The following TNFRSF19 variants were observed in gnomAD, a reference collection of about 807,000 sequenced individuals.
TNFRSF19 encodes tumor necrosis factor receptor superfamily member 19.
A neutral mutation model predicts 46.4 loss-of-function variants in TNFRSF19; 27 were observed. That is an observed-to-expected ratio of 0.58 (90% CI 0.43 to 0.80). The LOEUF (loss-of-function observed/expected upper bound fraction) is 0.80, where lower values mean the gene tolerates loss of function less well. Among genes scored for constraint, TNFRSF19 ranks in the 30% least tolerant of loss-of-function variants. The pLI is 0.00. For synonymous variants in TNFRSF19, 204 were observed against 205.0 expected (o/e 1.00, Z 0.04); for missense variants, 511 against 530.8 (o/e 0.96, Z 0.37).
intron 1 of TNFRSF19, among the ~76,000 whole-genome samples, chr13:23,573,221 C>T (rs1593221208): frequency 6.6e-6 from 1 of 152,152 alleles, no homozygotes; most frequent in Non-Finnish European, 1.5e-5. Flanking sequence ...TGTAGCTCAT[C>T]AAAGAACAAT....
intron 1 of TNFRSF19, among the ~76,000 whole-genome samples, chr13:23,573,847 GGT>G (rs1334436122): frequency 6.6e-6 from 1 of 152,034 alleles, no homozygotes; most frequent in Non-Finnish European, 1.5e-5. Context: ...CGGATCACGA[GGT>G]CAGGAGATCG....
chr13:23,574,255 CTCAT>C (rs1877815473), intron 1 of TNFRSF19, among the ~76,000 whole-genome samples: 1 of 151,898 alleles, frequency 6.6e-6, no homozygotes, highest in South Asian at 2.1e-4. Context: ...TATTAATTCA[CTCAT>C]TATCAATTAA....
intron 1 of TNFRSF19, among the ~76,000 whole-genome samples, chr13:23,588,724 A>T (rs1218806703): frequency 6.6e-6 from 1 of 152,098 alleles, no homozygotes; most frequent in East Asian, 1.9e-4. Context: ...TCTCACCCTA[A>T]CCCTGTGTCT....
intron 7 of TNFRSF19, among the ~76,000 whole-genome samples, chr13:23,664,420 C>T (rs1225157564): frequency 6.6e-6 from 1 of 152,072 alleles, no homozygotes; most frequent in African/African-American, 2.4e-5. Flanking sequence ...TGTTTTTACA[C>T]TTACACATCC....
chr13:23,581,238 C>T (rs548017590), intron 1 of TNFRSF19, among the ~76,000 whole-genome samples: 3 of 152,084 alleles, frequency 2.0e-5, no homozygotes, highest in African/African-American at 4.8e-5. Context: ...CTCCACTTCC[C>T]GGGTTCACGC....
intron 7 of TNFRSF19, among the ~76,000 whole-genome samples, chr13:23,666,808 G>A (rs1951642446): frequency 6.6e-6 from 1 of 152,126 alleles, no homozygotes; most frequent in Admixed American, 6.5e-5. Context: ...TTGCTTTGAG[G>A]GAGACTTAGA....
rs777479286 is a variant in TNFRSF19, at chr13:23,615,932, G to A, written c.246G>A (p.Glu82=). ...CGTGCCGGCTGCACAGGTTCAAGGA[G>A]GACTGGGGCTTCCAGAAATGCAAGC... is the stretch of plus-strand genomic sequence containing the variant. ...CVTCRLHRFK[E]DWGFQKCKPC... The change falls in exon 4 of 10, where the codon GAG becomes GAA. Residue 82 remains glutamate, a synonymous_variant. Transcript: ENST00000248484. The A allele has an allele frequency of 6.2e-7, 1 of 1,614,064 alleles. No homozygotes were observed. The highest frequency in any genetic ancestry group is 8.5e-7 in the Non-Finnish European group (1 of 1,179,926).
intron 1 of TNFRSF19, among the ~76,000 whole-genome samples, chr13:23,571,635 G>A (rs562226637): frequency 1.3e-5 from 2 of 152,206 alleles, no homozygotes; most frequent in East Asian, 1.9e-4. Context: ...AACTATCTGA[G>A]TAATCAACAG....
At chr13:23,597,926 T>C (rs1156933663) in intron 3 of TNFRSF19, among the ~76,000 whole-genome samples, 1 of 152,222 alleles carries the variant, frequency 6.6e-6, no homozygotes, top group Non-Finnish European at 1.5e-5. Flanking sequence ...ATCCCTAGGA[T>C]GCAAGGCTGG....
chr13:23,629,092 T>TA (rs1882188463), intron 5 of TNFRSF19, among the ~76,000 whole-genome samples: 1 of 151,872 alleles, frequency 6.6e-6, no homozygotes, highest in South Asian at 2.1e-4. Context: ...TGGGCTTTTT[T>TA]TTTTTTTTAG....
At chr13:23,619,759 TGAG>T (rs917605134) in intron 4 of TNFRSF19, among the ~76,000 whole-genome samples, 3 of 152,108 alleles carry the variant, frequency 2.0e-5, no homozygotes, top group East Asian at 3.9e-4. Context: ...GGTAGAGAAA[TGAG>T]GAGGTCTACA....
intron 7 of TNFRSF19, among the ~76,000 whole-genome samples, chr13:23,666,568 G>A (rs1249144643): frequency 1.3e-5 from 2 of 152,148 alleles, no homozygotes; most frequent in African/African-American, 4.8e-5. Context: ...TGACATGTCC[G>A]CATTATTCTT....
Position 23,675,622 on chromosome 13 carries a change from AAAAT to A in TNFRSF19, c.*2243_*2246del, listed in dbSNP as rs1170187375. On this transcript the variant is annotated 3_prime_UTR_variant, in exon 10 of 10. Transcript: ENST00000248484. ...CACTCCTTGGAAACATTTGAGGAAA[AAAAT>A]GCAATTTGCACTTCACTTTGTTGGA... 6.6e-6 allele frequency: 1 copy of A among 152,236 alleles called. No homozygotes were observed. The highest frequency in any genetic ancestry group is 1.5e-5 in the Non-Finnish European group (1 of 68,044). The allele number at this position is 152,236 out of a possible 1,614,324, so 9.4% of individuals were successfully genotyped here.
chr13:23,638,423 G>C (rs1882831933), intron 5 of TNFRSF19, among the ~76,000 whole-genome samples: 1 of 152,196 alleles, frequency 6.6e-6, no homozygotes, highest in African/African-American at 2.4e-5. Context: ...CCTGCAGTTA[G>C]GGCCAGGCGC....
chr13:23,632,280 G>A (rs555019681), intron 5 of TNFRSF19, among the ~76,000 whole-genome samples: 1 of 152,304 alleles, frequency 6.6e-6, no homozygotes, highest in East Asian at 1.9e-4. Flanking sequence ...ACACATAACT[G>A]CTACTATGCA....
At chr13:23,635,881 G>A (rs1882644441) in intron 5 of TNFRSF19, among the ~76,000 whole-genome samples, 1 of 152,112 alleles carries the variant, frequency 6.6e-6, no homozygotes, top group Non-Finnish European at 1.5e-5. Context: ...GAAATATAAT[G>A]TATATACAAG....
chr13:23,657,235 C>T (rs901760058), intron 5 of TNFRSF19, among the ~76,000 whole-genome samples: 5 of 152,128 alleles, frequency 3.3e-5, no homozygotes, highest in Admixed American at 2.0e-4. Context: ...GACTCATGCT[C>T]CAAGATGATA....
chr13:23,601,402 A>G (rs900606584), intron 3 of TNFRSF19, among the ~76,000 whole-genome samples: 1 of 152,170 alleles, frequency 6.6e-6, no homozygotes, highest in Non-Finnish European at 1.5e-5. Flanking sequence ...TTCCTTCAAG[A>G]GTTAAGGACA....
At chr13:23,631,077 A>G (rs1882334818) in intron 5 of TNFRSF19, among the ~76,000 whole-genome samples, 1 of 152,190 alleles carries the variant, frequency 6.6e-6, no homozygotes, top group African/African-American at 2.4e-5. Context: ...TGCACCAATA[A>G]GTAATAAATC....
Sources: allele counts gnomAD v4.1 joint callset (sites outside exome capture counted in the v4.1 genomes callset), GRCh38; gene constraint gnomAD v4.1.1; transcripts MANE v1.5; gene names NCBI Gene and HGNC (gene_info 2026-07-23, HGNC 2026-07-21).